The following CGN variants were observed in gnomAD, a reference collection of about 807,000 sequenced individuals.
The protein encoded by CGN is cingulin.
A neutral mutation model predicts 157.1 loss-of-function variants in CGN; 121 were observed. That is an observed-to-expected ratio of 0.77 (90% CI 0.66 to 0.90). The LOEUF is 0.90. Among genes scored for constraint, CGN ranks in the 40% least tolerant of loss-of-function variants. The pLI is 0.00. For synonymous variants in CGN, 535 were observed against 607.5 expected (o/e 0.88, Z 1.76); for missense variants, 1,424 against 1,520.9 (o/e 0.94, Z 1.06).
At chr1:151,527,607 C>A (rs6658625) in intron 10 of CGN, among the ~76,000 whole-genome samples, 145,403 of 152,232 alleles carry the variant, frequency 0.96, 69,798 homozygotes, top group East Asian at 1. Flanking sequence ...AACTAATTAG[C>A]AAAAGAAAAA....
chr1:151,520,219 C>G lies in CGN; in HGVS notation c.927C>G (p.Gly309=). The change falls in exon 3 of 21, where the codon GGC becomes GGG. Residue 309 remains glycine (G), a synonymous_variant. Transcript: ENST00000271636. ...ACCAGCAGGAGGCAGCCCCACCAGG[C>G]AGTGTGGACCATATGAAGGCCACCA... is the stretch of plus-strand genomic sequence containing the variant. ...LRDQQEAAPP[G]SVDHMKATIY... The G allele has an allele frequency of 6.2e-7, 1 of 1,613,990 alleles. No individual in the cohort carries two copies. Among genetic ancestry groups the G allele is most frequent in the Admixed American group, 1.7e-5 (1 of 60,004 alleles).
intron 10 of CGN, among the ~76,000 whole-genome samples, chr1:151,528,664 G>T (rs578103573): frequency 7.9e-5 from 12 of 152,062 alleles, no homozygotes; most frequent in South Asian, 2.1e-4. Flanking sequence ...TGATCCACCC[G>T]CCTCAGCCTC....
At position 151,524,412 on chromosome 1, in the gene CGN, C is replaced by A. The variant is rs1664620464; in HGVS notation, c.1401+54C>A. On this transcript the variant is annotated intron_variant, in intron 7 of 20. Transcript: ENST00000271636. This position sits in a 1 kb window ranked among gnomAD's most constrained non-coding sequence, Gnocchi z 4.4. The stretch of plus-strand genomic sequence containing the variant: ...TCTGCTTTTTCTCAGTTGGAGCATC[C>A]TCAAGTCTGCTCATCCATGGTTTCC... The A allele has an allele frequency of 1.2e-6, 2 of 1,601,106 alleles. No homozygotes were observed. Among genetic ancestry groups the A allele is most frequent in the South Asian group, 2.2e-5 (2 of 90,026 alleles).
rs1190558568 is a variant in CGN, at chr1:151,530,565, C to T, written c.2390C>T (p.Ala797Val). The T allele has an allele frequency of 2.5e-6, 4 of 1,609,284 alleles. No homozygotes were observed. Among genetic ancestry groups the T allele is most frequent in the Non-Finnish European group, 8.5e-7 (1 of 1,178,098 alleles). ...EEGSLAAAKR[A>V]LEARLEEAQR... is the part of the protein sequence containing the mutation. ...GGGAGTCTGGCAGCAGCCAAGCGGGCACTGGAGGCACGCCTAGAGGAGGCT... is the reference window on the plus strand; with the variant it reads ...GGGAGTCTGGCAGCAGCCAAGCGGGTACTGGAGGCACGCCTAGAGGAGGCT... The change falls in exon 13 of 21, where the codon GCA (alanine) becomes GTA (valine). Residue 797 changes from alanine (A) to valine (V), a missense_variant. Coordinates refer to ENST00000271636, the MANE Select transcript of CGN (RefSeq NM_020770.3).
Position 151,532,522 on chromosome 1 carries a change from G to T in CGN, c.2692G>T (p.Ala898Ser). 6.2e-7 allele frequency: 1 copy of T among 1,600,854 alleles called. No individual in the cohort carries two copies. Among genetic ancestry groups the T allele is most frequent in the South Asian group, 1.1e-5 (1 of 89,390 alleles). The change falls in exon 14 of 21, where the codon GCC becomes TCC. Residue 898 changes from alanine (A) to serine (S), a missense_variant. Physicochemically the swap from Ala to Ser is moderately conservative, Grantham distance 99 (BLOSUM62 1). Transcript: ENST00000271636. The stretch of plus-strand genomic sequence containing the variant: ...TGCCCAGCGCCAGGCCAAGGATTGG[G>T]CCAGTGAGGCTGAGAAGACCTCTGG... ...ADAQRQAKDW[A>S]SEAEKTSGGL...
At position 151,511,805 on chromosome 1, in the gene CGN, C is replaced by G. The variant is rs1557983920; in HGVS notation, c.-15+290C>G. Among the ~76,000 whole-genome samples, 1 of 152,192 alleles carries G rather than the reference C, an allele frequency of 6.6e-6. No individual in the cohort carries two copies. The highest frequency in any genetic ancestry group is 1.5e-5 in the Non-Finnish European group (1 of 68,024). On this transcript the variant is annotated intron_variant, in intron 1 of 20. Coordinates refer to ENST00000271636, the MANE Select transcript of CGN (RefSeq NM_020770.3). This position sits in a 1 kb window ranked among gnomAD's most constrained non-coding sequence, Gnocchi z 4.8. ...TTCAGCGCCAGATGTCTCTGGAGGT[C>G]AGACGCCAGCCCTAGGGGCAGAATT...
intron 2 of CGN, 107 bp from the exon 3 acceptor site, chr1:151,520,059 C>G (rs1387744568): frequency 1.3e-6 from 1 of 798,918 alleles, no homozygotes; most frequent in Non-Finnish European, 2.0e-6. Flanking sequence ...GGGACTTGAC[C>G]TGAGACTGCC....
rs1664977961 is a variant in CGN, at chr1:151,536,775, G to A, written c.3352G>A (p.Glu1118Lys). 6.2e-7 allele frequency: 1 copy of A among 1,614,180 alleles called. No individual in the cohort carries two copies. Among genetic ancestry groups the A allele is most frequent in the Non-Finnish European group, 8.5e-7 (1 of 1,180,040 alleles). ...TTTGAAGCGTCAGGTGGATGAAGCAGAAGAGGAAATTGAGCGACTGGACGG... is the reference window on the plus strand; with the variant it reads ...TTTGAAGCGTCAGGTGGATGAAGCAAAAGAGGAAATTGAGCGACTGGACGG... ...KALKRQVDEA[E>K]EEIERLDGLR... The change falls in exon 20 of 21, where the codon GAA becomes AAA. Residue 1118 changes from glutamate (E) to lysine (K), a missense_variant. Physicochemically the swap from Glu to Lys is moderately conservative, Grantham distance 56. Coordinates refer to ENST00000271636, the MANE Select transcript of CGN (RefSeq NM_020770.3).
chr1:151,520,676 G>T lies in CGN; in HGVS notation c.1125G>T (p.Leu375=). The change falls in exon 5 of 21, where the codon CTG becomes CTT. Residue 375 remains leucine (L), a synonymous_variant. Coordinates refer to ENST00000271636, the MANE Select transcript of CGN (RefSeq NM_020770.3). ...TRKVEELQRK[L]DEEVKKRQKL... Reference sequence around the variant, plus strand: ...AAGTGGAGGAGCTACAGCGAAAGCTGGATGAAGAGGTGAAGGTAAGGAAAG... The same window carrying T: ...AAGTGGAGGAGCTACAGCGAAAGCTTGATGAAGAGGTGAAGGTAAGGAAAG... 6.2e-7 allele frequency: 1 copy of T among 1,613,668 alleles called. No homozygotes were observed. The highest frequency in any genetic ancestry group is 8.5e-7 in the Non-Finnish European group (1 of 1,179,786).
intron 1 of CGN, among the ~76,000 whole-genome samples, chr1:151,512,746 C>A (rs1664328719): frequency 6.6e-6 from 1 of 152,258 alleles, no homozygotes; most frequent in Non-Finnish European, 1.5e-5. Context: ...GCTGCCTACA[C>A]ATGCCTATGC....
rs1664695481 is a variant in CGN, at chr1:151,526,979, C to T, written c.1768C>T (p.Leu590=). 3 of 1,613,996 alleles carry T rather than the reference C, an allele frequency of 1.9e-6. No individual in the cohort carries two copies. Among genetic ancestry groups the T allele is most frequent in the Non-Finnish European group, 8.5e-7 (1 of 1,180,020 alleles). ...EDLRATKQEL[L]QLRMEKEEME... ...ATTTCACCTTGCCTGGCTCAGACTCCTGCAGCTGCGAATGGAGAAGGAGGA... is the reference window on the plus strand; with the variant it reads ...ATTTCACCTTGCCTGGCTCAGACTCTTGCAGCTGCGAATGGAGAAGGAGGA... The change falls in exon 10 of 21, where the codon CTG becomes TTG. Residue 590 remains leucine (L), a synonymous_variant. Transcript: ENST00000271636.
chr1:151,536,372 G>A (rs752587995), intron 19 of CGN, 27 bp downstream of exon 19: 1 of 1,241,040 alleles, frequency 8.1e-7, no homozygotes, highest in Non-Finnish European at 1.2e-6. Flanking sequence ...CTGGAGCCAA[G>A]CAACCTGGGG....
intron 18 of CGN, 113 bp from the exon 19 acceptor site, chr1:151,536,124 C>T: frequency 1.3e-6 from 1 of 774,756 alleles, no homozygotes; most frequent in Non-Finnish European, 2.3e-6. Flanking sequence ...GGATCCTGCC[C>T]AGTCTAATGG....
In CGN at chr1:151,519,244, A is replaced by G. The variant is rs552258366; in HGVS notation, c.725A>G (p.Asp242Gly). The change falls in exon 2 of 21, where the codon GAC (aspartate) becomes GGC (glycine). Residue 242 changes from aspartate (D) to glycine (G), a missense_variant. By Grantham distance (94) the Asp-to-Gly change is moderately conservative. This residue lies in a region of CGN where 1,187 missense variants were observed against 1,217.6 expected (regional missense o/e 0.97). Coordinates refer to ENST00000271636, the MANE Select transcript of CGN (RefSeq NM_020770.3). ...CACTGGACCTCTAGCACAAAATATG[A>G]CAACCATGTGGGCACTTCGAAGCAG... is the stretch of plus-strand genomic sequence containing the variant. ...TNHWTSSTKY[D>G]NHVGTSKQPA... 3.7e-6 allele frequency: 6 copies of G among 1,614,084 alleles called. No individual in the cohort carries two copies. In the South Asian group the frequency reaches 4.4e-5, roughly 12 times the overall value.
rs762594587 is a variant in CGN, at chr1:151,529,395, C to T, written c.1942C>T (p.Arg648Trp). 9 of 1,613,648 alleles carry T rather than the reference C, an allele frequency of 5.6e-6. No homozygotes were observed. The highest frequency in any genetic ancestry group is 3.3e-5 in the South Asian group (3 of 91,058). The stretch of plus-strand genomic sequence containing the variant: ...GGAGCTTAAGGAACTGCAGGCAGAA[C>T]GGCAGAGCCAGGAGGTGGCTGGGCG... ...QEELKELQAE[R>W]QSQEVAGRHR... Residue 648 changes from arginine to tryptophan, a missense_variant, in exon 11 of 21, where the codon CGG (arginine) becomes TGG (tryptophan). Physicochemically the swap from Arg to Trp is moderately radical, Grantham distance 101 (BLOSUM62 -3). Coordinates refer to ENST00000271636, the MANE Select transcript of CGN (RefSeq NM_020770.3).
chr1:151,524,660 T>C lies in CGN; in HGVS notation c.1402-14T>C. 1 of 1,595,492 alleles carries C rather than the reference T, an allele frequency of 6.3e-7. No homozygotes were observed. The highest frequency in any genetic ancestry group is 8.5e-7 in the Non-Finnish European group (1 of 1,172,746). On this transcript the variant is annotated splice_polypyrimidine_tract_variant and intron_variant, in intron 7 of 20. Transcript: ENST00000271636. The surrounding 1 kb of genome is among the most constrained non-coding windows in gnomAD (Gnocchi z 4.4). ...ATATGGTCACCCCTGTACTTCTTCC[T>C]TTATTTTCTCCAGGACCTGTTAGAG...
In CGN at chr1:151,530,642, C is replaced by T. The variant is rs1396355773; in HGVS notation, c.2467C>T (p.Leu823=). ...GGAGCAGCAGACACTGAACCGGGCC[C>T]TGGAGGAGGAAGGGAAGCAGCGGGA... ...GQEQQTLNRA[L]EEEGKQREVL... The change falls in exon 13 of 21, where the codon CTG becomes TTG. Residue 823 remains leucine (L), a synonymous_variant. Transcript: ENST00000271636. 1 of 1,597,452 alleles carries T rather than the reference C, an allele frequency of 6.3e-7. No individual in the cohort carries two copies. Among genetic ancestry groups the T allele is most frequent in the Non-Finnish European group, 8.5e-7 (1 of 1,171,612 alleles).
intron 5 of CGN, among the ~76,000 whole-genome samples, chr1:151,521,414 C>T (rs759517730): frequency 1.3e-4 from 20 of 152,226 alleles, no homozygotes; most frequent in Non-Finnish European, 2.6e-4. Context: ...TACTTGTTGG[C>T]TGTGTAACTG....
At chr1:151,517,155 T>C (rs1664433835) in intron 1 of CGN, among the ~76,000 whole-genome samples, 1 of 151,930 alleles carries the variant, frequency 6.6e-6, no homozygotes, top group Non-Finnish European at 1.5e-5. Context: ...CAAAACTCTG[T>C]CTCAAAAAAA....
Sources: gnomAD v4.1 joint callset for allele counts (sites outside exome capture counted in the v4.1 genomes callset) on GRCh38, gnomAD v4.1.1 for gene constraint, gnomAD v4.1.1 regional missense constraint, Gnocchi (gnomAD v3.1) non-coding constraint, MANE v1.5 for transcripts, NCBI Gene and HGNC (gene_info 2026-07-23, HGNC 2026-07-21) for gene names.